CCDC146: variants seen among roughly 807,000 people sequenced by gnomAD.
CCDC146 encodes the protein coiled-coil domain containing 146, also known as coiled-coil domain-containing protein 146.
In CCDC146, 92 loss-of-function variants were observed where a neutral mutation model predicts 119.3. That is an observed-to-expected ratio of 0.77 (90% CI 0.65 to 0.92). The LOEUF (loss-of-function observed/expected upper bound fraction) is 0.92. CCDC146 is among the 40% of genes least tolerant of loss of function. The probability of loss-of-function intolerance (pLI) is 0.00; values close to 1 mark genes in which losing one functional copy is unlikely to be tolerated. For missense variants in CCDC146, 1,000 were observed against 1,103.0 expected (o/e 0.91, Z 1.32); for synonymous variants, 372 against 371.8 (o/e 1.00, Z -0.01).
At chr7:77,271,335 C>T (rs1021563751) in intron 9 of CCDC146, among the ~76,000 whole-genome samples, 3 of 151,322 alleles carry the variant, frequency 2.0e-5, no homozygotes, top group Non-Finnish European at 4.4e-5. Flanking sequence ...CCGTGCTGGA[C>T]CCTTCCTGCC....
At chr7:77,146,972 G>A (rs1260323822) in intron 1 of CCDC146, among the ~76,000 whole-genome samples, 1 of 152,080 alleles carries the variant, frequency 6.6e-6, no homozygotes, top group Non-Finnish European at 1.5e-5. Context: ...GCTAGGTTGG[G>A]GAAGTTCTCC....
At chr7:77,262,940 A>G (rs1207560112) in intron 9 of CCDC146, among the ~76,000 whole-genome samples, 1 of 152,208 alleles carries the variant, frequency 6.6e-6, no homozygotes, top group African/African-American at 2.4e-5. Context: ...GAAAGGGCAG[A>G]GGATCCTTGA....
chr7:77,161,208 C>A (rs1273374657), intron 1 of CCDC146, among the ~76,000 whole-genome samples: 1 of 152,162 alleles, frequency 6.6e-6, no homozygotes, highest in Non-Finnish European at 1.5e-5. Flanking sequence ...ACTAGTTCAA[C>A]CATTGTGGAA....
intron 17 of CCDC146, among the ~76,000 whole-genome samples, chr7:77,291,209 A>G (rs1793936495): frequency 6.6e-6 from 1 of 152,218 alleles, no homozygotes; most frequent in South Asian, 2.1e-4. Context: ...AAGAGGAACT[A>G]ATGAGTGTTG....
In CCDC146 at chr7:77,254,524, C is replaced by A; in HGVS notation, c.468C>A (p.Ile156=). 3 of 1,539,408 alleles carry A rather than the reference C, an allele frequency of 1.9e-6. No homozygotes were observed. The highest frequency in any genetic ancestry group is 2.3e-5 in the South Asian group (2 of 87,064). ...TTTGCAGCTTAAAGGAAGAAAAAAT[C>A]ATCATAGTAAAAGAATTTGAGAAGA... ...YRLNSLKEEK[I]IIVKEFEKIT... is the part of the protein sequence containing the mutation. The change falls in exon 5 of 19, where the codon ATC becomes ATA. Residue 156 remains isoleucine (I), a synonymous_variant. Transcript: ENST00000285871.
In CCDC146 at chr7:77,196,606, G is replaced by A. The variant is rs199775926; in HGVS notation, c.156+28782G>A. 8.1e-6 allele frequency: 13 copies of A among 1,613,942 alleles called. No individual in the cohort carries two copies. The highest frequency in any genetic ancestry group is 1.6e-4 in the Middle Eastern group (1 of 6,084). On this transcript the variant is annotated intron_variant, in intron 2 of 18. Coordinates refer to ENST00000285871, the MANE Select transcript of CCDC146 (RefSeq NM_020879.3). The surrounding 1 kb of genome is among the most constrained non-coding windows in gnomAD (Gnocchi z 4.2). ...CAGCTGTGCCATTATAGTTACCAAC[G>A]TGTAAACGATATTTGAGAAACTCAT...
At chr7:77,160,496 G>C (rs906022180) in intron 1 of CCDC146, among the ~76,000 whole-genome samples, 1 of 152,174 alleles carries the variant, frequency 6.6e-6, no homozygotes, top group African/African-American at 2.4e-5. Context: ...TCCCTTGTAA[G>C]TTGGATTCCT....
chr7:77,130,095 A>T (rs1790758996), intron 1 of CCDC146, among the ~76,000 whole-genome samples: 1 of 152,160 alleles, frequency 6.6e-6, no homozygotes, highest in Non-Finnish European at 1.5e-5. Context: ...TAATAAGGAA[A>T]TAAAAAAATC....
At chr7:77,213,686 A>C (rs1478872463) in intron 2 of CCDC146, among the ~76,000 whole-genome samples, 1 of 152,082 alleles carries the variant, frequency 6.6e-6, no homozygotes, top group Admixed American at 6.5e-5. Context: ...ATGTGTACCT[A>C]TTGTTTAGCT....
chr7:77,197,096 G>A, intron 2 of CCDC146: 1 of 691,284 alleles, frequency 1.4e-6, no homozygotes, highest in Non-Finnish European at 2.4e-6. Context: ...TGGCAGTAAT[G>A]AAACTTTACT....
chr7:77,228,248 C>T (rs1289395208), intron 2 of CCDC146, among the ~76,000 whole-genome samples: 2 of 152,176 alleles, frequency 1.3e-5, no homozygotes, highest in African/African-American at 4.8e-5. Context: ...CAGATTATTT[C>T]ATCACCCAGG....
At chr7:77,185,085 T>A (rs985793499) in intron 2 of CCDC146, among the ~76,000 whole-genome samples, 30 of 148,484 alleles carry the variant, frequency 2.0e-4, no homozygotes, top group Admixed American at 1.1e-3. Flanking sequence ...TAACAGAGGC[T>A]TTTTTTTTTC....
intron 4 of CCDC146, among the ~76,000 whole-genome samples, chr7:77,251,344 C>A (rs1290769214): frequency 2.6e-5 from 4 of 151,910 alleles, no homozygotes; most frequent in Non-Finnish European, 5.9e-5. Flanking sequence ...TTTATTATTT[C>A]TTAGAATTTC....
At chr7:77,283,644 T>C (rs1451319954) in intron 15 of CCDC146, among the ~76,000 whole-genome samples, 1 of 152,184 alleles carries the variant, frequency 6.6e-6, no homozygotes. Context: ...CTATTAAAAT[T>C]ATCAAAAATC....
chr7:77,288,744 T>C (rs1044523116), intron 17 of CCDC146, among the ~76,000 whole-genome samples: 1 of 152,160 alleles, frequency 6.6e-6, no homozygotes, highest in Non-Finnish European at 1.5e-5. Context: ...AGGAAGCTCA[T>C]AGGGTCTAGT....
intron 11 of CCDC146, among the ~76,000 whole-genome samples, chr7:77,278,545 G>A (rs2868782): frequency 0.16 from 23,836 of 148,318 alleles, 3,263 homozygotes; most frequent in African/African-American, 0.37. Context: ...TCTTGGGCTC[G>A]AGCGATCCTC....
intron 9 of CCDC146, among the ~76,000 whole-genome samples, chr7:77,271,257 C>G (rs933028986): frequency 6.6e-6 from 1 of 151,454 alleles, no homozygotes; most frequent in Non-Finnish European, 1.5e-5. Flanking sequence ...GCCGGTGTGG[C>G]TAGACTATAA....
chr7:77,269,595 CA>C (rs1335308364), intron 9 of CCDC146, among the ~76,000 whole-genome samples: 1 of 152,140 alleles, frequency 6.6e-6, no homozygotes, highest in African/African-American at 2.4e-5. Flanking sequence ...GAGGAGTTTG[CA>C]GTGGAATGCG....
At chr7:77,269,970 AG>A (rs1350421881) in intron 9 of CCDC146, among the ~76,000 whole-genome samples, 1 of 152,214 alleles carries the variant, frequency 6.6e-6, no homozygotes, top group Non-Finnish European at 1.5e-5. Context: ...AAGAGATAAA[AG>A]GTAAACATGA....
Sources: gnomAD v4.1 joint callset for allele counts (sites outside exome capture counted in the v4.1 genomes callset) on GRCh38, gnomAD v4.1.1 for gene constraint, Gnocchi (gnomAD v3.1) non-coding constraint, MANE v1.5 for transcripts, NCBI Gene and HGNC (gene_info 2026-07-23, HGNC 2026-07-21) for gene names.